The following WRN variants were observed in gnomAD, a reference collection of about 807,000 sequenced individuals.
WRN encodes the protein bifunctional 3'-5' exonuclease/ATP-dependent helicase WRN.
WRN carries 149 observed loss-of-function variants against 180.7 expected under a neutral mutation model. That is an observed-to-expected ratio of 0.82 (90% confidence interval 0.72 to 0.94). The LOEUF is 0.94. Ranked by LOEUF, WRN falls within the 40% of genes least tolerant of loss-of-function variation. The pLI, the probability that WRN is intolerant of heterozygous loss-of-function variation, is 0.00. For missense variants in WRN, 1,661 were observed against 1,700.1 expected (o/e 0.98, Z 0.40); for synonymous variants, 548 against 568.9 (o/e 0.96, Z 0.52).
rs373806031 is a variant in WRN at position 31,059,227 on chromosome 8, C to A, written c.171C>A (p.Tyr57Ter). 1 of 1,613,736 alleles carries A rather than the reference C, an allele frequency of 6.2e-7. No individual in the cohort carries two copies. The highest frequency in any genetic ancestry group is 8.5e-7 in the Non-Finnish European group (1 of 1,179,846). ...LEFTGSIVYS[Y>*]DASDCSFLSE... ...TCACTGGATCCATTGTGTATAGTTACGATGCTAGTGATTGCTCTTTCCTGT... is the reference window on the plus strand; with the variant it reads ...TCACTGGATCCATTGTGTATAGTTAAGATGCTAGTGATTGCTCTTTCCTGT... The change falls in exon 3 of 35, where the codon TAC becomes TAA. Residue 57 changes from tyrosine to a stop codon, truncating the protein, a stop_gained. Coordinates refer to ENST00000298139, the MANE Select transcript of WRN (RefSeq NM_000553.6). LOFTEE classifies it high-confidence loss of function.
At chr8:31,150,169 G>T (rs1563382269) in intron 30 of WRN, among the ~76,000 whole-genome samples, 172 bp from the exon 31 acceptor site, 1 of 152,138 alleles carries the variant, frequency 6.6e-6, no homozygotes, top group Non-Finnish European at 1.5e-5. Flanking sequence ...AGCAAAGAAA[G>T]AAATTATAAA....
chr8:31,076,021 CA>C lies in WRN; in HGVS notation c.725-150del. Reference sequence around the variant, plus strand: ...TGAAAGAGAGGGAAAGTGATTGAGGCAATTTGGGGATTGAATAAGAAGGTCT... The same window carrying C: ...TGAAAGAGAGGGAAAGTGATTGAGGCATTTGGGGATTGAATAAGAAGGTCT... On this transcript the variant is annotated intron_variant, in intron 7 of 34. Coordinates refer to ENST00000298139, the MANE Select transcript of WRN (RefSeq NM_000553.6). 4 of 671,150 alleles carry C rather than the reference CA, an allele frequency of 6.0e-6. No individual in the cohort carries two copies. The South Asian group carries it at 7.2e-5, about 12-fold the overall frequency. The allele number at this position is 671,150 out of a possible 1,614,324, so 41.6% of individuals were successfully genotyped here. A position where few individuals can be genotyped will look rare whatever the true frequency, so the allele number is the denominator to read the frequency against.
intron 1 of WRN, among the ~76,000 whole-genome samples, chr8:31,043,042 A>G (rs145699874): frequency 2.0e-4 from 30 of 152,320 alleles, no homozygotes; most frequent in African/African-American, 6.5e-4. Flanking sequence ...CAGCAATAAA[A>G]GGTTATTTAT....
In WRN at chr8:31,122,730, C is replaced by G. The variant is rs1017983741; in HGVS notation, c.2631-1792C>G. Among the ~76,000 whole-genome samples, 4 of 151,398 alleles carry G rather than the reference C, an allele frequency of 2.6e-5. No individual in the cohort carries two copies. In the Admixed American group the frequency reaches 2.6e-4, roughly 10 times the overall value. On this transcript the variant is annotated intron_variant, in intron 21 of 34. Transcript: ENST00000298139. ...GAAAAATAAATATTTATTTATTTGC[C>G]GTTAAGAGTTGTAGTTTTGTTTTCT...
At chr8:31,093,379 G>T (rs1188108594) in intron 16 of WRN, among the ~76,000 whole-genome samples, 1 of 152,126 alleles carries the variant, frequency 6.6e-6, no homozygotes, top group East Asian at 1.9e-4. Context: ...GGGATTACAG[G>T]CGTGAACCAC....
chr8:31,093,768 C>T (rs1420836309), intron 16 of WRN, among the ~76,000 whole-genome samples: 1 of 152,154 alleles, frequency 6.6e-6, no homozygotes, highest in Non-Finnish European at 1.5e-5. Context: ...GTTTTAACCC[C>T]AGTCACCGGG....
At chr8:31,132,343 A>G (rs763515462) in intron 23 of WRN, 22 bp from the exon 24 acceptor site, 1 of 1,611,292 alleles carries the variant, frequency 6.2e-7, no homozygotes, top group Admixed American at 1.7e-5. Context: ...AGCTTTCTTC[A>G]AATGTTATTA....
intron 19 of WRN, among the ~76,000 whole-genome samples, chr8:31,114,451 T>A (rs1456005856): frequency 6.6e-6 from 1 of 152,212 alleles, no homozygotes; most frequent in Non-Finnish European, 1.5e-5. Flanking sequence ...GCTCCTTTTG[T>A]AATAGGAATT....
At chr8:31,039,759 G>T (rs1337318429) in intron 1 of WRN, among the ~76,000 whole-genome samples, 1 of 152,098 alleles carries the variant, frequency 6.6e-6, no homozygotes, top group Non-Finnish European at 1.5e-5. Flanking sequence ...TATCATGAAA[G>T]GGTGTTGGAT....
chr8:31,172,974 TTTTC>T lies in WRN; in HGVS notation c.4192-15_4192-12del, dbSNP rs1236288066. ...TCAGTAGTACAAAGATTTGATTTCT[TTTTC>T]TTTCTATTTCCTACAGACTTCATCT... is the stretch of plus-strand genomic sequence containing the variant. On this transcript the variant is annotated splice_polypyrimidine_tract_variant and intron_variant, in intron 34 of 34. Coordinates refer to ENST00000298139, the MANE Select transcript of WRN (RefSeq NM_000553.6). The T allele has an allele frequency of 4.3e-6, 7 of 1,610,882 alleles. No homozygotes were observed. The highest frequency in any genetic ancestry group is 5.9e-6 in the Non-Finnish European group (7 of 1,177,652).
rs201172985 is a variant in WRN at position 31,087,849 on chromosome 8, G to T, written c.1505G>T (p.Gly502Val). 63 of 1,613,730 alleles carry T rather than the reference G, an allele frequency of 3.9e-5. No homozygotes were observed. The highest frequency in any genetic ancestry group is 5.0e-5 in the Non-Finnish European group (59 of 1,179,820). Residue 502 changes from glycine to valine, a missense_variant, in exon 12 of 35, where the codon GGT (glycine) becomes GTT (valine). Coordinates refer to ENST00000298139, the MANE Select transcript of WRN (RefSeq NM_000553.6). Reference sequence around the variant, plus strand: ...TGCTTAAAAATGGAAAGAAATCTGGGTCTTCCTACTAAAGAAGAAGAAGAA... The same window carrying T: ...TGCTTAAAAATGGAAAGAAATCTGGTTCTTCCTACTAAAGAAGAAGAAGAA... Reference protein sequence around the residue: ...SKCLKMERNLGLPTKEEEEDD... With the variant: ...SKCLKMERNLVLPTKEEEEDD...
intron 17 of WRN, among the ~76,000 whole-genome samples, chr8:31,100,121 A>G (rs1376568428): frequency 6.6e-6 from 1 of 152,210 alleles, no homozygotes; most frequent in Non-Finnish European, 1.5e-5. Context: ...CAAAAGCACT[A>G]CTGTTACTAC....
At chr8:31,103,985 C>T (rs547171478) in intron 18 of WRN, among the ~76,000 whole-genome samples, 4 of 152,180 alleles carry the variant, frequency 2.6e-5, no homozygotes, top group Admixed American at 6.5e-5. Flanking sequence ...CCACCTGCCT[C>T]GGCCTCCCAA....
chr8:31,162,318 C>A lies in WRN; in HGVS notation c.3983-4704C>A, dbSNP rs116675373. Among the ~76,000 whole-genome samples, 412 of 151,746 alleles carry A rather than the reference C, an allele frequency of 2.7e-3. 2 individuals carry two copies. The highest frequency in any genetic ancestry group is 9.1e-3 in the African/African-American group (376 of 41,314). ...CTTTTTACATTTTTTTTGTTAAAAA[C>A]CAAGACAAAAACCCACACATCAGCC... On this transcript the variant is annotated intron_variant, in intron 33 of 34. Coordinates refer to ENST00000298139, the MANE Select transcript of WRN (RefSeq NM_000553.6).
chr8:31,151,713 A>C (rs1223079338), intron 31 of WRN, among the ~76,000 whole-genome samples: 1 of 152,194 alleles, frequency 6.6e-6, no homozygotes, highest in Non-Finnish European at 1.5e-5. Flanking sequence ...AGTAGGGGAA[A>C]AGGTAAATTC....
chr8:31,064,353 G>A lies in WRN; in HGVS notation c.274G>A (p.Gly92Arg). Residue 92 changes from glycine (G) to arginine (R), a missense_variant, in exon 4 of 35, where the codon GGG becomes AGG. By Grantham distance (125) the Gly-to-Arg change is moderately radical. This residue lies in a region of WRN where 500 missense variants were observed against 504.1 expected (regional missense o/e 0.99). Coordinates refer to ENST00000298139, the MANE Select transcript of WRN (RefSeq NM_000553.6). ...DMEWPPLYNR[G>R]KLGKVALIQL... ...GGAGTGGCCACCATTATACAATAGA[G>A]GGAAACTTGGCAAAGTTGCACTAAT... The A allele has an allele frequency of 6.2e-7, 1 of 1,614,080 alleles. No homozygotes were observed. The highest frequency in any genetic ancestry group is 1.1e-5 in the South Asian group (1 of 91,084).
intron 8 of WRN, among the ~76,000 whole-genome samples, chr8:31,077,778 C>T (rs567599568): frequency 6.6e-6 from 1 of 152,230 alleles, no homozygotes; most frequent in East Asian, 1.9e-4. Context: ...TTAAATTGAA[C>T]ATGTTTTATT....
In WRN at chr8:31,081,192, A is replaced by G. The variant is rs1311991971; in HGVS notation, c.1165A>G (p.Arg389Gly). ...EDNKLKENME[R>G]ACLMSLDITE... ...CAACAAATTGAAAGAGAATATGGAAAGAGCTTGTTTGATGTCGTTAGATAT... is the reference window on the plus strand; with the variant it reads ...CAACAAATTGAAAGAGAATATGGAAGGAGCTTGTTTGATGTCGTTAGATAT... The change falls in exon 9 of 35, where the codon AGA becomes GGA. Residue 389 changes from arginine to glycine, a missense_variant. Arg to Gly is a moderately radical substitution (Grantham distance 125). Around this residue, in one of 3 missense-constraint regions of WRN, gnomAD observed 500 missense variants for 504.1 expected, o/e 0.99. Coordinates refer to ENST00000298139, the MANE Select transcript of WRN (RefSeq NM_000553.6). The G allele has an allele frequency of 6.2e-7, 1 of 1,614,012 alleles. No homozygotes were observed. The highest frequency in any genetic ancestry group is 1.7e-5 in the Admixed American group (1 of 60,014).
At chr8:31,040,758 A>T (rs1399694688) in intron 1 of WRN, among the ~76,000 whole-genome samples, 1 of 152,058 alleles carries the variant, frequency 6.6e-6, no homozygotes, top group Non-Finnish European at 1.5e-5. Context: ...ATTATAGATG[A>T]CTCGTTTGAG....
Sources: gnomAD v4.1 joint callset for allele counts (sites outside exome capture counted in the v4.1 genomes callset) on GRCh38, gnomAD v4.1.1 for gene constraint, gnomAD v4.1.1 regional missense constraint, MANE v1.5 for transcripts, NCBI Gene and HGNC (gene_info 2026-07-23, HGNC 2026-07-21) for gene names.